CCDC60: variants seen among roughly 807,000 people sequenced by gnomAD.
CCDC60 encodes coiled-coil domain containing 60.
Under a neutral mutation model 63.5 loss-of-function variants are expected in CCDC60, and 54 were observed. The observed-to-expected ratio is 0.85, with a 90% CI of 0.68 to 1.07. The LOEUF (loss-of-function observed/expected upper bound fraction) is 1.07, where lower values mean the gene tolerates loss of function less well. CCDC60 is among the 50% of genes least tolerant of loss of function. CCDC60 has a pLI of 0.00. For synonymous variants in CCDC60, 206 were observed against 238.8 expected (o/e 0.86, Z 1.27); for missense variants, 651 against 684.3 (o/e 0.95, Z 0.54).
At chr12:119,483,871 A>G (rs1381155772) in intron 4 of CCDC60, among the ~76,000 whole-genome samples, 1 of 151,810 alleles carries the variant, frequency 6.6e-6, no homozygotes, top group Non-Finnish European at 1.5e-5. Context: ...CCAAGATACT[A>G]TGCTATGACC....
At chr12:119,412,763 A>ACC (rs150785942) in intron 1 of CCDC60, among the ~76,000 whole-genome samples, 7 of 88,016 alleles carry the variant, frequency 8.0e-5, no homozygotes, top group African/African-American at 2.7e-4. Flanking sequence ...AAAGCCCCCC[A>ACC]CCCCCCCCCA....
At chr12:119,471,858 G>C in intron 2 of CCDC60, 136 bp from the exon 3 acceptor site, 1 of 566,482 alleles carries the variant, frequency 1.8e-6, no homozygotes, top group Non-Finnish European at 2.9e-6. Flanking sequence ...ATTTCTACCT[G>C]TTTCTTTCTC....
Position 119,479,015 on chromosome 12 carries a change from A to C in CCDC60, c.342-79A>C, listed in dbSNP as rs1424628072. 95 of 972,948 alleles carry C rather than the reference A, an allele frequency of 9.8e-5. No homozygotes were observed. In the South Asian group the frequency reaches 1.2e-3, roughly 12 times the overall value. The allele number at this position is 972,948 out of a possible 1,614,324, so 60.3% of individuals were successfully genotyped here. A position where few individuals can be genotyped will look rare whatever the true frequency, so the allele number is the denominator to read the frequency against. ...GTAAGTGTCCAGTCATATCTGCCGAATAGACCGTGGCAAGAGAAGAAGGTG... is the reference window on the plus strand; with the variant it reads ...GTAAGTGTCCAGTCATATCTGCCGACTAGACCGTGGCAAGAGAAGAAGGTG... On this transcript the variant is annotated intron_variant, in intron 3 of 13. Transcript: ENST00000327554.
At chr12:119,482,123 CAT>C (rs1200373039) in intron 4 of CCDC60, among the ~76,000 whole-genome samples, 30 of 141,230 alleles carry the variant, frequency 2.1e-4, no homozygotes, top group African/African-American at 6.1e-4. Context: ...CATATATATA[CAT>C]ATATATACAC....
At chr12:119,350,753 C>A (rs1215526398) in intron 1 of CCDC60, among the ~76,000 whole-genome samples, 1 of 152,122 alleles carries the variant, frequency 6.6e-6, no homozygotes, top group Non-Finnish European at 1.5e-5. Flanking sequence ...ACCAGCTGTG[C>A]ACTCCCCTCA....
Position 119,488,770 on chromosome 12 carries a change from T to A in CCDC60, c.461T>A (p.Phe154Tyr), listed in dbSNP as rs759173102. The change falls in exon 5 of 14, where the codon TTC (phenylalanine) becomes TAC (tyrosine). Residue 154 changes from phenylalanine (F) to tyrosine (Y), a missense_variant. Physicochemically the swap from Phe to Tyr is conservative, Grantham distance 22. Transcript: ENST00000327554. ...SLTEAHVEPL[F>Y]RQLCALHWLL... is the part of the protein sequence containing the mutation. ...CTCTGTCTTTGCAGCGAGCCCCTCTTCCGCCAGCTCTGTGCTCTCCACTGG... is the reference window on the plus strand; with the variant it reads ...CTCTGTCTTTGCAGCGAGCCCCTCTACCGCCAGCTCTGTGCTCTCCACTGG... 1 of 1,614,120 alleles carries A rather than the reference T, an allele frequency of 6.2e-7. No individual in the cohort carries two copies. The highest frequency in any genetic ancestry group is 2.2e-5 in the East Asian group (1 of 44,884).
In CCDC60 at chr12:119,523,825, G is replaced by C. The variant is rs184231961; in HGVS notation, c.1229+7G>C. On this transcript the variant is annotated splice_region_variant and intron_variant, in intron 11 of 13. Transcript: ENST00000327554. ...AGATGGAAATCCTCATGAAGTAAGC[G>C]CACATATATATCCATTCATTCAAAC... 2.5e-6 allele frequency: 4 copies of C among 1,613,694 alleles called. No individual in the cohort carries two copies. The Admixed American group carries it at 6.7e-5, about 27-fold the overall frequency.
chr12:119,450,655 G>A (rs1950612825), intron 2 of CCDC60, among the ~76,000 whole-genome samples: 1 of 152,074 alleles, frequency 6.6e-6, no homozygotes. Context: ...TCAAGAGATG[G>A]AGACCATCTT....
chr12:119,442,633 G>A (rs1434283449), intron 2 of CCDC60, among the ~76,000 whole-genome samples: 2 of 152,034 alleles, frequency 1.3e-5, no homozygotes, highest in Non-Finnish European at 2.9e-5. Flanking sequence ...AAACCATAAC[G>A]AAAATAACAT....
intron 3 of CCDC60, among the ~76,000 whole-genome samples, chr12:119,477,029 G>A (rs76155418): frequency 0.026 from 3,994 of 152,276 alleles, 162 homozygotes; most frequent in African/African-American, 0.091. Flanking sequence ...TTTGAGTAAG[G>A]CTCAGAGGGG....
At chr12:119,358,748 CTT>C (rs1324520300) in intron 1 of CCDC60, among the ~76,000 whole-genome samples, 1 of 152,126 alleles carries the variant, frequency 6.6e-6, no homozygotes, top group African/African-American at 2.4e-5. Flanking sequence ...ATGGGATTCA[CTT>C]ATATTTTTGT....
intron 4 of CCDC60, 109 bp from the exon 5 acceptor site, chr12:119,488,650 T>G (rs1951513175): frequency 1.2e-6 from 1 of 864,226 alleles, no homozygotes; most frequent in East Asian, 2.6e-5. Flanking sequence ...TGGAGCATGG[T>G]GCCTGCTCCC....
intron 2 of CCDC60, among the ~76,000 whole-genome samples, chr12:119,450,783 A>G (rs1399620156): frequency 6.6e-6 from 1 of 151,646 alleles, no homozygotes; most frequent in Non-Finnish European, 1.5e-5. Context: ...ACTTGAACCC[A>G]GGAGGCGGAG....
At chr12:119,400,946 T>C (rs1290774505) in intron 1 of CCDC60, among the ~76,000 whole-genome samples, 1 of 152,252 alleles carries the variant, frequency 6.6e-6, no homozygotes, top group Non-Finnish European at 1.5e-5. Context: ...ATGAGGCTGA[T>C]TCTGTGGGCA....
chr12:119,429,108 C>T (rs1441771018), intron 2 of CCDC60, among the ~76,000 whole-genome samples: 1 of 152,168 alleles, frequency 6.6e-6, no homozygotes, highest in Admixed American at 6.5e-5. Flanking sequence ...GAGTCGTTCT[C>T]AAATTCTGGT....
At chr12:119,392,803 G>A (rs1211524890) in intron 1 of CCDC60, among the ~76,000 whole-genome samples, 4 of 152,222 alleles carry the variant, frequency 2.6e-5, no homozygotes, top group African/African-American at 7.2e-5. Flanking sequence ...CCTCCTAAAC[G>A]AAACCAGGTT....
At chr12:119,483,955 T>G (rs2136360250) in intron 4 of CCDC60, among the ~76,000 whole-genome samples, 1 of 152,244 alleles carries the variant, frequency 6.6e-6, no homozygotes, top group Non-Finnish European at 1.5e-5. Context: ...TTTTTTTAAT[T>G]TGTTTCACTG....
At position 119,389,071 on chromosome 12, in the gene CCDC60, A is replaced by G. The variant is rs146442108; in HGVS notation, c.91-39612A>G. 4.2e-4 allele frequency among the ~76,000 whole-genome samples: 64 copies of G among 152,248 alleles called. No homozygotes were observed. The East Asian group carries it at 9.5e-3, about 23-fold the overall frequency. ...GCTCTTCCCATGCTCATGCACATTC[A>G]TGGCTTCCCACAGTAGCACCTGTGG... is the stretch of plus-strand genomic sequence containing the variant. On this transcript the variant is annotated intron_variant, in intron 1 of 13. Coordinates refer to ENST00000327554, the MANE Select transcript of CCDC60 (RefSeq NM_178499.5).
intron 2 of CCDC60, among the ~76,000 whole-genome samples, chr12:119,454,348 G>A (rs1425445128): frequency 6.6e-6 from 1 of 152,084 alleles, no homozygotes; most frequent in Non-Finnish European, 1.5e-5. Context: ...TGCATATAAA[G>A]TGCTTAGCTC....
Sources: allele counts gnomAD v4.1 joint callset (sites outside exome capture counted in the v4.1 genomes callset), GRCh38; gene constraint gnomAD v4.1.1; transcripts MANE v1.5; gene names NCBI Gene and HGNC (gene_info 2026-07-23, HGNC 2026-07-21).